TMCC1: variants seen among roughly 807,000 people sequenced by gnomAD.
TMCC1 encodes the protein transmembrane and coiled-coil domains protein 1.
Under a neutral mutation model 52.4 loss-of-function variants are expected in TMCC1, and 15 were observed. The observed-to-expected ratio is 0.29, with a 90% CI of 0.19 to 0.44. The LOEUF is 0.44. TMCC1 is among the 20% of genes least tolerant of loss of function. TMCC1 has a pLI of 1.00. For synonymous variants in TMCC1, 279 were observed against 301.9 expected, an observed-to-expected ratio of 0.92 and a Z score of 0.79; for missense variants, 503 against 806.0, an observed-to-expected ratio of 0.62 and a Z score of 4.55.
intron 4 of TMCC1, among the ~76,000 whole-genome samples, chr3:129,734,351 T>C (rs186013091): frequency 2.6e-5 from 4 of 152,366 alleles, no homozygotes; most frequent in African/African-American, 9.6e-5. Context: ...GAGAATCATT[T>C]ACATAAAATT....
Position 129,811,764 on chromosome 3 carries a change from C to T in TMCC1, c.576+16039G>A, listed in dbSNP as rs185037330. On this transcript the variant is annotated intron_variant, in intron 4 of 6. Coordinates refer to ENST00000393238, the MANE Select transcript of TMCC1 (RefSeq NM_001017395.5). ...TTCGAGCCCAGCCTGGCCAACATGGCGAAACCCTGTCTCTACTAAAAATAC... is the reference window on the plus strand; with the variant it reads ...TTCGAGCCCAGCCTGGCCAACATGGTGAAACCCTGTCTCTACTAAAAATAC... Among the ~76,000 whole-genome samples, 446 of 149,860 alleles carry T rather than the reference C, an allele frequency of 3.0e-3. 2 individuals are homozygous for T. The highest frequency in any genetic ancestry group is 0.01 in the African/African-American group (419 of 40,866).
chr3:129,870,918 T>C (rs1283678018), intron 2 of TMCC1, among the ~76,000 whole-genome samples: 2 of 152,078 alleles, frequency 1.3e-5, no homozygotes, highest in African/African-American at 4.8e-5. Flanking sequence ...ACAAAGGGAC[T>C]ATTACTTCTT....
At chr3:129,740,996 C>T (rs1043906853) in intron 4 of TMCC1, among the ~76,000 whole-genome samples, 1 of 152,126 alleles carries the variant, frequency 6.6e-6, no homozygotes, top group Non-Finnish European at 1.5e-5. Flanking sequence ...GGACTCATTG[C>T]CCCTTTGGAA....
chr3:129,802,960 A>G (rs966340600), intron 4 of TMCC1, among the ~76,000 whole-genome samples: 2 of 152,236 alleles, frequency 1.3e-5, no homozygotes, highest in Non-Finnish European at 2.9e-5. Context: ...TCCAAGGTTG[A>G]TGGGCTCACC....
chr3:129,808,100 CG>C (rs1405371729), intron 4 of TMCC1, among the ~76,000 whole-genome samples: 1 of 70,828 alleles, frequency 1.4e-5, no homozygotes, highest in African/African-American at 6.2e-5. Flanking sequence ...AAACTGGGGT[CG>C]GGGGTGGGGG....
chr3:129,801,814 T>A (rs1422258435), intron 4 of TMCC1, among the ~76,000 whole-genome samples: 1 of 152,218 alleles, frequency 6.6e-6, no homozygotes, highest in Non-Finnish European at 1.5e-5. Context: ...TCGGCCTAAA[T>A]TCATTTTCTA....
At chr3:129,811,462 TCTCA>T (rs999794135) in intron 4 of TMCC1, among the ~76,000 whole-genome samples, 1 of 151,380 alleles carries the variant, frequency 6.6e-6, no homozygotes, top group Admixed American at 6.6e-5. Flanking sequence ...GAGACAGGGG[TCTCA>T]CTGTGTTGCC....
chr3:129,719,164 C>A (rs747468404), intron 4 of TMCC1, among the ~76,000 whole-genome samples: 1 of 152,162 alleles, frequency 6.6e-6, no homozygotes, highest in African/African-American at 2.4e-5. Context: ...CACCCCCCAA[C>A]CTCTGGGAGG....
chr3:129,785,329 T>C (rs760973463), intron 4 of TMCC1, among the ~76,000 whole-genome samples: 2 of 152,184 alleles, frequency 1.3e-5, no homozygotes, highest in Non-Finnish European at 2.9e-5. Flanking sequence ...CCAAGTTTTC[T>C]CCAAGTTAGA....
intron 4 of TMCC1, among the ~76,000 whole-genome samples, chr3:129,748,407 C>A (rs1166841632): frequency 6.6e-6 from 1 of 152,138 alleles, no homozygotes; most frequent in Non-Finnish European, 1.5e-5. Flanking sequence ...CCTGGCTCAG[C>A]CTCCCAAGTA....
chr3:129,877,248 T>C (rs2061258018), intron 2 of TMCC1, among the ~76,000 whole-genome samples: 1 of 152,190 alleles, frequency 6.6e-6, no homozygotes, highest in Admixed American at 6.5e-5. Flanking sequence ...GCCACATTGT[T>C]AAATCAAATA....
Position 129,651,480 on chromosome 3 carries a change from A to G in TMCC1, c.*1T>C. 6.2e-7 allele frequency: 1 copy of G among 1,612,052 alleles called. No individual in the cohort carries two copies. The highest frequency in any genetic ancestry group is 1.3e-5 in the African/African-American group (1 of 74,978). The stretch of plus-strand genomic sequence containing the variant: ...AGGGAACAATGCCTTCTGTGCCAGC[A>G]TCATCTAGGGGATGAAAAGAACCGT... On this transcript the variant is annotated 3_prime_UTR_variant, in exon 7 of 7. Transcript: ENST00000393238. This position sits in a 1 kb window ranked among gnomAD's most constrained non-coding sequence, Gnocchi z 5.1.
intron 4 of TMCC1, among the ~76,000 whole-genome samples, chr3:129,822,402 T>C (rs1385178888): frequency 1.3e-5 from 2 of 152,234 alleles, no homozygotes; most frequent in Admixed American, 6.5e-5. Context: ...ATTGCACCAC[T>C]GCACTCTAGC....
intron 5 of TMCC1, among the ~76,000 whole-genome samples, chr3:129,660,774 T>G (rs560985696): frequency 3.3e-5 from 5 of 152,314 alleles, no homozygotes; most frequent in African/African-American, 9.6e-5. Context: ...TAATTTTTAT[T>G]TTTTTATTTT....
intron 4 of TMCC1, among the ~76,000 whole-genome samples, chr3:129,679,379 C>T (rs1412474286): frequency 6.6e-6 from 1 of 152,172 alleles, no homozygotes; most frequent in Non-Finnish European, 1.5e-5. Context: ...AATCTCGGCT[C>T]ACTGCAACCT....
intron 4 of TMCC1, among the ~76,000 whole-genome samples, chr3:129,798,779 T>C (rs1482557712): frequency 6.6e-6 from 1 of 152,198 alleles, no homozygotes; most frequent in Non-Finnish European, 1.5e-5. Context: ...AACAAAGTAA[T>C]AGTCTCTTTC....
At chr3:129,783,907 G>C in intron 4 of TMCC1, among the ~76,000 whole-genome samples, 1 of 152,314 alleles carries the variant, frequency 6.6e-6, no homozygotes, top group East Asian at 1.9e-4. Flanking sequence ...CTGATATTCA[G>C]ACTTGTCTGA....
intron 2 of TMCC1, among the ~76,000 whole-genome samples, chr3:129,850,641 A>C (rs543652048): frequency 1.5e-4 from 23 of 152,290 alleles, no homozygotes; most frequent in African/African-American, 5.5e-4. Context: ...AACCCAGTGG[A>C]GCTAGAGGAA....
At chr3:129,824,728 A>G (rs1352166444) in intron 4 of TMCC1, among the ~76,000 whole-genome samples, 1 of 149,848 alleles carries the variant, frequency 6.7e-6, no homozygotes, top group African/African-American at 2.4e-5. Flanking sequence ...CCACTGTTCC[A>G]GTTCCGTATT....
Sources: gnomAD v4.1 joint callset for allele counts (sites outside exome capture counted in the v4.1 genomes callset) on GRCh38, gnomAD v4.1.1 for gene constraint, Gnocchi (gnomAD v3.1) non-coding constraint, MANE v1.5 for transcripts, NCBI Gene and HGNC (gene_info 2026-07-23, HGNC 2026-07-21) for gene names.